The following DNAJB13 variants were observed in gnomAD, a reference collection of about 807,000 sequenced individuals.
The protein encoded by DNAJB13 is DnaJ heat shock protein family (Hsp40) member B13, also known as dnaJ homolog subfamily B member 13.
In DNAJB13, 22 loss-of-function variants were observed where a neutral mutation model predicts 35.6. The observed-to-expected ratio is 0.62, with a 90% CI of 0.44 to 0.88. The LOEUF is 0.88. Ranked by LOEUF, DNAJB13 falls within the 40% of genes least tolerant of loss-of-function variation. The pLI, the probability that DNAJB13 is intolerant of heterozygous loss-of-function variation, is 0.00. For missense variants in DNAJB13, 370 were observed against 384.3 expected, an observed-to-expected ratio of 0.96 and a Z score of 0.31; for synonymous variants, 136 against 144.2, an observed-to-expected ratio of 0.94 and a Z score of 0.41.
In DNAJB13 at chr11:73,958,427, A is replaced by G; in HGVS notation, c.172+7A>G. ...TACGACGTGCTGAGTGACCGTGAGT[A>G]GGTGTGGGGCTGAGCACCCCGCTTG... On this transcript the variant is annotated splice_region_variant and intron_variant, in intron 2 of 7. Coordinates refer to ENST00000339764, the MANE Select transcript of DNAJB13 (RefSeq NM_153614.4). The G allele has an allele frequency of 6.2e-7, 1 of 1,613,548 alleles. No individual in the cohort carries two copies. Among genetic ancestry groups the G allele is most frequent in the Non-Finnish European group, 8.5e-7 (1 of 1,179,524 alleles).
chr11:73,953,625 C>T (rs776185882), intron 1 of DNAJB13, among the ~76,000 whole-genome samples: 1 of 152,124 alleles, frequency 6.6e-6, no homozygotes, highest in Non-Finnish European at 1.5e-5. Context: ...TGAATAACAT[C>T]GGTTTCTAAA....
chr11:73,952,170 A>C (rs558222231), intron 1 of DNAJB13, among the ~76,000 whole-genome samples: 3 of 152,290 alleles, frequency 2.0e-5, no homozygotes, highest in South Asian at 4.2e-4. Flanking sequence ...GGGCTGTGGA[A>C]GTTATCTTGG....
intron 3 of DNAJB13, chr11:73,964,612 G>A: frequency 2.3e-6 from 1 of 440,400 alleles, no homozygotes; most frequent in East Asian, 4.8e-5. Flanking sequence ...GTCCCAAGGG[G>A]AGGTGAAGCA....
At chr11:73,964,803 GT>G (rs1184138698) in intron 3 of DNAJB13, 74 bp from the exon 4 acceptor site, 4 of 1,220,662 alleles carry the variant, frequency 3.3e-6, no homozygotes, top group Non-Finnish European at 4.6e-6. Flanking sequence ...GTGTGTGTGT[GT>G]GTGTGTGTGC....
At chr11:73,956,529 G>A (rs1233020476) in intron 1 of DNAJB13, among the ~76,000 whole-genome samples, 1 of 152,174 alleles carries the variant, frequency 6.6e-6, no homozygotes, top group African/African-American at 2.4e-5. Context: ...AAGGCTGGGC[G>A]CTGTGGCTCA....
rs182185017 is a variant in DNAJB13, at chr11:73,955,562, G to C, written c.69-2755G>C. Among the ~76,000 whole-genome samples, 240 of 151,908 alleles carry C rather than the reference G, an allele frequency of 1.6e-3. 3 individuals carry two copies. In the East Asian group the frequency reaches 0.035, roughly 22 times the overall value. On this transcript the variant is annotated intron_variant, in intron 1 of 7. Coordinates refer to ENST00000339764, the MANE Select transcript of DNAJB13 (RefSeq NM_153614.4). The stretch of plus-strand genomic sequence containing the variant: ...GATCTCAAGTGATCTGCCTGCCTCG[G>C]CCTCCCAAATTGCTGGGATTACAGG...
chr11:73,969,545 C>A (rs1951220649), intron 7 of DNAJB13, among the ~76,000 whole-genome samples: 2 of 152,242 alleles, frequency 1.3e-5, no homozygotes, highest in Non-Finnish European at 2.9e-5. Flanking sequence ...CACAAAGCCA[C>A]TGCAGAGGCT....
At chr11:73,962,723 C>A (rs1350237927) in intron 3 of DNAJB13, among the ~76,000 whole-genome samples, 1 of 152,184 alleles carries the variant, frequency 6.6e-6, no homozygotes, top group African/African-American at 2.4e-5. Flanking sequence ...TTCATAAGTT[C>A]TTTCCTTCTC....
intron 1 of DNAJB13, among the ~76,000 whole-genome samples, chr11:73,952,782 C>G (rs1282270617): frequency 1.3e-5 from 2 of 152,172 alleles, no homozygotes; most frequent in African/African-American, 4.8e-5. Context: ...GCTGCGTGAC[C>G]TGGGCAAATT....
chr11:73,952,311 C>T (rs1950607285), intron 1 of DNAJB13, among the ~76,000 whole-genome samples: 1 of 152,182 alleles, frequency 6.6e-6, no homozygotes, highest in African/African-American at 2.4e-5. Context: ...TCCAGGATAA[C>T]TCAATCAATT....
At chr11:73,965,198 G>A (rs1362601385) in intron 4 of DNAJB13, 163 bp downstream of exon 4, 21 of 810,690 alleles carry the variant, frequency 2.6e-5, no homozygotes, top group South Asian at 2.0e-4. Flanking sequence ...TCTGAAATTC[G>A]GAAGGGACAG....
intron 6 of DNAJB13, among the ~76,000 whole-genome samples, chr11:73,968,785 C>T (rs1448174607): frequency 2.6e-5 from 4 of 152,140 alleles, no homozygotes; most frequent in Non-Finnish European, 5.9e-5. Context: ...GCGATCTGCT[C>T]CCTGCTTACT....
chr11:73,970,166 C>T lies in DNAJB13; in HGVS notation c.*52C>T. 1.3e-6 allele frequency: 2 copies of T among 1,502,722 alleles called. No homozygotes were observed. Among genetic ancestry groups the T allele is most frequent in the Non-Finnish European group, 1.8e-6 (2 of 1,127,212 alleles). The allele number at this position is 1,502,722 out of a possible 1,614,324, so 93.1% of individuals were successfully genotyped here. A position where few individuals can be genotyped will look rare whatever the true frequency, so the allele number is the denominator to read the frequency against. ...AGGAGGCTAGCCGGGCCTCACCCCA[C>T]CCCTACCCGCCACAGCCTCAGGGTG... On this transcript the variant is annotated 3_prime_UTR_variant, in exon 8 of 8. Coordinates refer to ENST00000339764, the MANE Select transcript of DNAJB13 (RefSeq NM_153614.4).
intron 4 of DNAJB13, 43 bp from the exon 5 acceptor site, chr11:73,966,095 G>C: frequency 6.4e-7 from 1 of 1,563,628 alleles, no homozygotes; most frequent in African/African-American, 1.3e-5. Flanking sequence ...TGTACTCATG[G>C]AAGTCCTAAG....
chr11:73,967,109 T>C (rs1186374822), intron 5 of DNAJB13, among the ~76,000 whole-genome samples: 2 of 152,064 alleles, frequency 1.3e-5, no homozygotes, highest in Admixed American at 1.3e-4. Context: ...TGTCTCGGCC[T>C]CCCAAAGTGC....
In DNAJB13 at chr11:73,968,352, A is replaced by G. The variant is rs956374718; in HGVS notation, c.614A>G (p.Asn205Ser). 6 of 1,614,158 alleles carry G rather than the reference A, an allele frequency of 3.7e-6. No individual in the cohort carries two copies. The East Asian group carries it at 8.9e-5, about 24-fold the overall frequency. The change falls in exon 6 of 8, where the codon AAC becomes AGC. Residue 205 changes from asparagine to serine, a missense_variant. Physicochemically the swap from Asn to Ser is conservative, Grantham distance 46 (BLOSUM62 1). Transcript: ENST00000339764. ...TFEKEGDQGPNIIPADIIFIV... is the reference protein window; with the variant it reads ...TFEKEGDQGPSIIPADIIFIV... ...TTGGCGTCCCCTGCCCAGGGCCCCA[A>G]CATCATCCCAGCAGACATCATTTTC...
chr11:73,957,135 C>G (rs3019464), intron 1 of DNAJB13, among the ~76,000 whole-genome samples: 44,170 of 152,110 alleles, frequency 0.29, 7,338 homozygotes, highest in African/African-American at 0.46. Flanking sequence ...TGCCCTGCTG[C>G]GCTCCGGGAG....
intron 4 of DNAJB13, chr11:73,965,909 G>A (rs1367265587): frequency 3.8e-6 from 2 of 526,658 alleles, no homozygotes; most frequent in South Asian, 2.2e-5. Flanking sequence ...GGAATCATAA[G>A]TTCTTGGTTG....
At chr11:73,958,518 A>G in intron 2 of DNAJB13, 98 bp downstream of exon 2, 7 of 1,100,350 alleles carry the variant, frequency 6.4e-6, no homozygotes, top group Non-Finnish European at 9.4e-6. Flanking sequence ...ACGAGGAAGC[A>G]TCCTTCTTCC....
Sources: gnomAD v4.1 joint callset for allele counts (sites outside exome capture counted in the v4.1 genomes callset) on GRCh38, gnomAD v4.1.1 for gene constraint, MANE v1.5 for transcripts, NCBI Gene and HGNC (gene_info 2026-07-23, HGNC 2026-07-21) for gene names.